ZNF827: variants seen among roughly 807,000 people sequenced by gnomAD.
ZNF827 encodes zinc finger protein 827.
In ZNF827, 13 loss-of-function variants were observed where a neutral mutation model predicts 102.4. The observed-to-expected ratio is 0.13, with a 90% CI of 0.08 to 0.20. The LOEUF is 0.20. Among genes scored for constraint, ZNF827 ranks in the 10% least tolerant of loss-of-function variants. The pLI, the probability that ZNF827 is intolerant of heterozygous loss-of-function variation, is 1.00. For missense variants in ZNF827, 1,103 were observed against 1,344.4 expected (o/e 0.82, Z 2.81); for synonymous variants, 523 against 536.2 (o/e 0.98, Z 0.34).
intron 7 of ZNF827, among the ~76,000 whole-genome samples, chr4:145,824,887 A>G (rs1004423552): frequency 2.0e-5 from 3 of 152,396 alleles, no homozygotes; most frequent in Admixed American, 1.3e-4. Context: ...CACTTTCTTT[A>G]AAGTAAAACA....
intron 8 of ZNF827, among the ~76,000 whole-genome samples, chr4:145,784,829 G>T (rs1738616165): frequency 6.6e-6 from 1 of 151,916 alleles, no homozygotes; most frequent in Non-Finnish European, 1.5e-5. Context: ...ATTTCTTTTT[G>T]AAATACTTGT....
chr4:145,833,999 C>A (rs1255646034), intron 7 of ZNF827, among the ~76,000 whole-genome samples: 1 of 151,920 alleles, frequency 6.6e-6, no homozygotes, highest in African/African-American at 2.4e-5. Flanking sequence ...TCACTATGGG[C>A]AACCTTCCAC....
At position 145,760,719 on chromosome 4, in the gene ZNF827, GGT is replaced by G; in HGVS notation, c.*895_*896del. On this transcript the variant is annotated 3_prime_UTR_variant, in exon 15 of 15. Transcript: ENST00000508784. The stretch of plus-strand genomic sequence containing the variant: ...TGCTGGGGTTGTGTTTAAGTTTTGT[GGT>G]TTTTTTTTTTTTTTTTGTCTTTTGT... 16 of 845,934 alleles carry G rather than the reference GGT, an allele frequency of 1.9e-5. No individual in the cohort carries two copies. The highest frequency in any genetic ancestry group is 2.1e-5 in the Non-Finnish European group (15 of 710,898). 52.4% of individuals were successfully genotyped at this position (845,934 alleles called of 1,614,324 possible). A position where few individuals can be genotyped will look rare whatever the true frequency, so the allele number is the denominator to read the frequency against.
intron 4 of ZNF827, among the ~76,000 whole-genome samples, chr4:145,884,190 C>T (rs7658706): frequency 0.16 from 23,751 of 152,060 alleles, 2,633 homozygotes; most frequent in East Asian, 0.42. Flanking sequence ...CCGCTCTTTG[C>T]CTACTTGGTT....
At chr4:145,903,316 A>G in intron 1 of ZNF827, 101 bp from the exon 2 acceptor site, 1 of 1,461,828 alleles carries the variant, frequency 6.8e-7, no homozygotes, top group Non-Finnish European at 9.0e-7. Flanking sequence ...CTTCCCTTCC[A>G]CCCAAGAACC....
Position 145,860,226 on chromosome 4 carries a change from T to C in ZNF827, c.1981+10019A>G, listed in dbSNP as rs1001362224. Among the ~76,000 whole-genome samples the C allele has an allele frequency of 3.3e-5, 5 of 152,340 alleles. No homozygotes were observed. The East Asian group carries it at 9.6e-4, about 29-fold the overall frequency. The stretch of plus-strand genomic sequence containing the variant: ...CAAATCAGTGCAATTTCACCTCTTC[T>C]TCTCAGTAATCCTTGGTTCTGTTGA... On this transcript the variant is annotated intron_variant, in intron 5 of 14. Transcript: ENST00000508784.
In ZNF827 at chr4:145,764,990, G is replaced by A; in HGVS notation, c.3228C>T (p.Leu1076=). The part of the protein sequence containing the change: ...KKCHTVPTGG[L]NSGQW ...GGTTCTGTACTTGCTTTCCTTACTT[G>A]AGCCCACCGGTGGGGACAGTGTGGC... is the stretch of plus-strand genomic sequence containing the variant. The change falls in exon 13 of 15, where the codon CTC becomes CTT. Residue 1076 remains leucine (L), a splice_region_variant and synonymous_variant. Transcript: ENST00000508784. 6.2e-7 allele frequency: 1 copy of A among 1,612,454 alleles called. No individual in the cohort carries two copies. The highest frequency in any genetic ancestry group is 8.5e-7 in the Non-Finnish European group (1 of 1,179,128).
Position 145,758,113 on chromosome 4 carries a change from C to A in ZNF827, c.*3503G>T, listed in dbSNP as rs1734091659. 6.6e-6 allele frequency: 1 copy of A among 152,004 alleles called. No individual in the cohort carries two copies. The highest frequency in any genetic ancestry group is 6.6e-5 in the Admixed American group (1 of 15,264). 9.4% of individuals were successfully genotyped at this position (152,004 alleles called of 1,614,324 possible). A position where few individuals can be genotyped will look rare whatever the true frequency, so the allele number is the denominator to read the frequency against. On this transcript the variant is annotated 3_prime_UTR_variant, in exon 15 of 15. Transcript: ENST00000508784. ...TGTAGATTTTTTTCTTTATTAATAA[C>A]AATAATAATATAAAAAGTCAAACAA...
chr4:145,775,644 A>G, intron 10 of ZNF827, 145 bp downstream of exon 10: 1 of 1,022,100 alleles, frequency 9.8e-7, no homozygotes, highest in Non-Finnish European at 1.4e-6. Context: ...GCAGGGCTCA[A>G]TCTGAGCAAA....
At chr4:145,820,159 C>G (rs912161639) in intron 8 of ZNF827, 1 of 152,714 alleles carries the variant, frequency 6.5e-6, no homozygotes, top group African/African-American at 2.4e-5. Context: ...AGCTGTTACA[C>G]CCTAAATGAT....
In ZNF827 at chr4:145,779,461, A is replaced by G. The variant is rs1328342296; in HGVS notation, c.2434T>C (p.Phe812Leu). 3 of 1,614,124 alleles carry G rather than the reference A, an allele frequency of 1.9e-6. No individual in the cohort carries two copies. Among genetic ancestry groups the G allele is most frequent in the Admixed American group, 3.3e-5 (2 of 60,012 alleles). Reference sequence around the variant, plus strand: ...TCACAGGGAAAAAGCTGGTCATTGAATTTCCAGGATGGTAATCCATTTCCT... The same window carrying G: ...TCACAGGGAAAAAGCTGGTCATTGAGTTTCCAGGATGGTAATCCATTTCCT... ...EAGNGLPSWKFNDQLFPCDVC... is the reference protein window; with the variant it reads ...EAGNGLPSWKLNDQLFPCDVC... Residue 812 changes from phenylalanine to leucine, a missense_variant, in exon 9 of 15, where the codon TTC (phenylalanine) becomes CTC (leucine). Physicochemically the swap from Phe to Leu is conservative, Grantham distance 22. Around this residue, in one of 5 missense-constraint regions of ZNF827, gnomAD observed 242 missense variants for 361.9 expected, o/e 0.67. Transcript: ENST00000508784.
At chr4:145,913,406 A>G (rs1478646258) in intron 1 of ZNF827, among the ~76,000 whole-genome samples, 1 of 145,312 alleles carries the variant, frequency 6.9e-6, no homozygotes, top group African/African-American at 2.7e-5. Context: ...AGCCTGGGCA[A>G]CAGAGTGAGA....
At chr4:145,787,551 GT>G (rs2127031899) in intron 8 of ZNF827, among the ~76,000 whole-genome samples, 1 of 151,828 alleles carries the variant, frequency 6.6e-6, no homozygotes, top group East Asian at 1.9e-4. Flanking sequence ...AGATGTAAGA[GT>G]TAACAGCCTT....
Position 145,765,621 on chromosome 4 carries a change from C to T in ZNF827, c.2978G>A (p.Gly993Glu). Residue 993 changes from glycine to glutamate, a missense_variant, in exon 12 of 15, where the codon GGG becomes GAG. By Grantham distance (98) the Gly-to-Glu change is moderately conservative. This residue lies in a region of ZNF827 where 242 missense variants were observed against 361.9 expected (regional missense o/e 0.67). Coordinates refer to ENST00000508784, the MANE Select transcript of ZNF827 (RefSeq NM_001306215.2). The surrounding 1 kb of genome is among the most constrained non-coding windows in gnomAD (Gnocchi z 4.7). ...DSDGSQKNKG[G>E]NNLLVISVMP... ...GACAGAGATGACCAGCAGATTGTTC[C>T]CGCCCTTGTTTTTCTGGGAGCCATC... 8 of 1,614,140 alleles carry T rather than the reference C, an allele frequency of 5.0e-6. No homozygotes were observed. Among genetic ancestry groups the T allele is most frequent in the Non-Finnish European group, 6.8e-6 (8 of 1,180,018 alleles).
intron 4 of ZNF827, chr4:145,870,695 C>T (rs1748610643): frequency 6.2e-6 from 3 of 484,686 alleles, no homozygotes; most frequent in Admixed American, 3.3e-5. Context: ...TCTTTTGAAC[C>T]TAAAATATTT....
chr4:145,794,136 G>T (rs912431202), intron 8 of ZNF827, among the ~76,000 whole-genome samples: 10 of 152,176 alleles, frequency 6.6e-5, no homozygotes, highest in Admixed American at 6.5e-5. Flanking sequence ...CTTATTTTCT[G>T]CTATTTCCCG....
At chr4:145,921,068 T>C (rs1257953909) in intron 1 of ZNF827, among the ~76,000 whole-genome samples, 2 of 152,102 alleles carry the variant, frequency 1.3e-5, no homozygotes, top group Non-Finnish European at 2.9e-5. Flanking sequence ...TGTGGGACAA[T>C]GCAGGAGGGG....
At chr4:145,817,837 A>G (rs930215311) in intron 8 of ZNF827, among the ~76,000 whole-genome samples, 3 of 152,206 alleles carry the variant, frequency 2.0e-5, no homozygotes, top group Non-Finnish European at 4.4e-5. Context: ...TATGCTGCTG[A>G]CCAGATCATC....
intron 7 of ZNF827, among the ~76,000 whole-genome samples, chr4:145,828,439 A>T (rs1007375328): frequency 6.6e-6 from 1 of 152,160 alleles, no homozygotes; most frequent in Non-Finnish European, 1.5e-5. Context: ...ACTTATTTTC[A>T]CTCAACAAAA....
Sources: gnomAD v4.1 joint callset for allele counts (sites outside exome capture counted in the v4.1 genomes callset) on GRCh38, gnomAD v4.1.1 for gene constraint, gnomAD v4.1.1 regional missense constraint, Gnocchi (gnomAD v3.1) non-coding constraint, MANE v1.5 for transcripts, NCBI Gene and HGNC (gene_info 2026-07-23, HGNC 2026-07-21) for gene names.